Variants in PDE10A observed in about 807,000 individuals in gnomAD.
PDE10A encodes the protein cAMP and cAMP-inhibited cGMP 3',5'-cyclic phosphodiesterase 10A.
A neutral mutation model predicts 97.7 loss-of-function variants in PDE10A; 39 were observed. The observed-to-expected ratio is 0.40, with a 90% CI of 0.31 to 0.52. The LOEUF (loss-of-function observed/expected upper bound fraction) is 0.52. Among genes scored for constraint, PDE10A ranks in the 20% least tolerant of loss-of-function variants. The pLI is 0.56. For missense variants in PDE10A, 731 were observed against 1,047.8 expected (o/e 0.70, Z 4.17); for synonymous variants, 371 against 376.8 (o/e 0.98, Z 0.18).
intron 1 of PDE10A, among the ~76,000 whole-genome samples, chr6:165,608,021 C>T (rs1239075830): frequency 6.6e-6 from 1 of 151,272 alleles, no homozygotes; most frequent in Non-Finnish European, 1.5e-5. Context: ...ATTCTACGAA[C>T]AGTTATTCTA....
intron 1 of PDE10A, among the ~76,000 whole-genome samples, chr6:165,922,627 G>A (rs1039305241): frequency 1.3e-5 from 2 of 152,138 alleles, no homozygotes; most frequent in Non-Finnish European, 2.9e-5. Flanking sequence ...AAACTCCTCA[G>A]GGTGGCATTC....
chr6:165,687,834 C>T (rs975330029), intron 1 of PDE10A, among the ~76,000 whole-genome samples: 3 of 152,198 alleles, frequency 2.0e-5, no homozygotes, highest in Non-Finnish European at 4.4e-5. Context: ...CCTTCCCAAA[C>T]TTTCGCACAT....
rs115096683 is a variant in PDE10A at position 165,671,341 on chromosome 6, C to T, written c.-614-127773G>A. 4.0e-3 allele frequency among the ~76,000 whole-genome samples: 610 copies of T among 152,162 alleles called. 2 individuals are homozygous for T. The highest frequency in any genetic ancestry group is 0.013 in the African/African-American group (536 of 41,504). On this transcript the variant is annotated intron_variant, in intron 1 of 19. Coordinates refer to the PDE10A transcript ENST00000366882. The surrounding 1 kb of genome is among the most constrained non-coding windows in gnomAD (Gnocchi z 4.6). ...TATTTTGGGAATATAGTAAGCACAACGACCCATGAGTGATCACAGAGTGAG... is the reference window on the plus strand; with the variant it reads ...TATTTTGGGAATATAGTAAGCACAATGACCCATGAGTGATCACAGAGTGAG...
At chr6:165,680,264 G>A (rs528050227) in intron 1 of PDE10A, among the ~76,000 whole-genome samples, 39 of 152,242 alleles carry the variant, frequency 2.6e-4, no homozygotes, top group Middle Eastern at 3.4e-3. Flanking sequence ...GATTAAAGGC[G>A]GAATTCAATA....
In PDE10A at chr6:165,890,462, AT is replaced by A. The variant is rs562445358; in HGVS notation, c.-615+97066del. ...GTTTAGCTCATGCCTTAAATCCTCA[AT>A]TTTTTGTCCTCCTGAGTATGTGTGG... On this transcript the variant is annotated intron_variant, in intron 1 of 19. Coordinates refer to the PDE10A transcript ENST00000366882. Among the ~76,000 whole-genome samples, 168 of 151,598 alleles carry A rather than the reference AT, an allele frequency of 1.1e-3. 1 individual carries two copies. The highest frequency in any genetic ancestry group is 1.7e-3 in the Non-Finnish European group (114 of 67,756).
At chr6:165,904,835 CTCCT>C (rs1491000620) in intron 1 of PDE10A, among the ~76,000 whole-genome samples, 1 of 152,160 alleles carries the variant, frequency 6.6e-6, no homozygotes. Context: ...ACATTCAACT[CTCCT>C]TCTTTTTATC....
chr6:165,719,292 A>G (rs1792104787), intron 1 of PDE10A, among the ~76,000 whole-genome samples: 1 of 152,222 alleles, frequency 6.6e-6, no homozygotes, highest in Non-Finnish European at 1.5e-5. Context: ...GACTGGCCCA[A>G]GGAACGTTCC....
chr6:165,748,808 TTGTGTG>T (rs71029562), intron 1 of PDE10A, among the ~76,000 whole-genome samples: 4 of 147,598 alleles, frequency 2.7e-5, no homozygotes, highest in Non-Finnish European at 1.5e-5. Flanking sequence ...AGAAAGAAGT[TTGTGTG>T]TGTGTGTGTG....
intron 1 of PDE10A, among the ~76,000 whole-genome samples, chr6:165,841,459 C>T (rs992753215): frequency 3.3e-5 from 5 of 152,246 alleles, no homozygotes; most frequent in Non-Finnish European, 5.9e-5. Flanking sequence ...CCGCCTCCTT[C>T]GCTGTCTCCC....
chr6:165,828,489 C>A (rs1318730629), intron 1 of PDE10A, among the ~76,000 whole-genome samples: 1 of 152,202 alleles, frequency 6.6e-6, no homozygotes, highest in East Asian at 1.9e-4. Flanking sequence ...TACATACATA[C>A]ACACATGAAC....
chr6:165,567,994 A>T (rs864880), intron 1 of PDE10A, among the ~76,000 whole-genome samples: 88,778 of 130,538 alleles, frequency 0.68, 32,433 homozygotes, highest in East Asian at 0.85. Context: ...GCAACAAGGC[A>T]TTTTTTTTTT....
At chr6:165,645,911 C>T (rs1334456017) in intron 1 of PDE10A, among the ~76,000 whole-genome samples, 1 of 150,074 alleles carries the variant, frequency 6.7e-6, no homozygotes, top group African/African-American at 2.4e-5. Flanking sequence ...ACCAAAACAA[C>T]TGCTAAATTT....
At chr6:165,396,242 C>G in intron 14 of PDE10A, 75 bp downstream of exon 14, 4 of 1,385,420 alleles carry the variant, frequency 2.9e-6, no homozygotes, top group Non-Finnish European at 4.0e-6. Context: ...GACTCTAATT[C>G]TATAATCTGT....
At chr6:165,445,196 T>A (rs1157729255) in intron 5 of PDE10A, among the ~76,000 whole-genome samples, 1 of 152,248 alleles carries the variant, frequency 6.6e-6, no homozygotes, top group Non-Finnish European at 1.5e-5. Context: ...TATCTTCTAT[T>A]GCCAGCGATA....
chr6:165,695,144 A>G (rs984385345), intron 1 of PDE10A, among the ~76,000 whole-genome samples: 3 of 151,844 alleles, frequency 2.0e-5, no homozygotes, highest in African/African-American at 2.4e-5. Flanking sequence ...TTAGAGACCA[A>G]CTTCCAGCAT....
chr6:165,682,290 C>G (rs1790998486), intron 1 of PDE10A, among the ~76,000 whole-genome samples: 1 of 152,150 alleles, frequency 6.6e-6, no homozygotes, highest in South Asian at 2.1e-4. Flanking sequence ...CACCACCACA[C>G]ACAGCTAATT....
intron 1 of PDE10A, among the ~76,000 whole-genome samples, chr6:165,701,978 G>A (rs898127291): frequency 6.6e-6 from 1 of 152,168 alleles, no homozygotes; most frequent in East Asian, 1.9e-4. Context: ...GGAACAACAC[G>A]CAGTCTGGTC....
chr6:165,567,868 C>A (rs1204123017), intron 1 of PDE10A, among the ~76,000 whole-genome samples: 6 of 151,990 alleles, frequency 3.9e-5, no homozygotes, highest in Admixed American at 3.9e-4. Context: ...TATCTTATTG[C>A]TGATAATCTA....
rs1197782630 is a variant in PDE10A, at chr6:165,814,606, CAAGTA to C, written c.-615+172918_-615+172922del. Among the ~76,000 whole-genome samples the C allele has an allele frequency of 1.1e-4, 17 of 152,120 alleles. 1 individual carries two copies. The highest frequency in any genetic ancestry group is 3.9e-4 in the African/African-American group (16 of 41,486). On this transcript the variant is annotated intron_variant, in intron 1 of 19. Coordinates refer to the PDE10A transcript ENST00000366882. ...TAAAAATTCCTAATTCCTTGACATA[CAAGTA>C]AAGTAAAGTAGAAATCAAAATGTAA...
Sources: gnomAD v4.1 joint callset for allele counts (sites outside exome capture counted in the v4.1 genomes callset) on GRCh38, gnomAD v4.1.1 for gene constraint, Gnocchi (gnomAD v3.1) non-coding constraint, MANE v1.5 for transcripts, NCBI Gene and HGNC (gene_info 2026-07-23, HGNC 2026-07-21) for gene names.